Variants in TBC1D14 observed in about 807,000 individuals in gnomAD.
TBC1D14 encodes the protein TBC1 domain family member 14.
In TBC1D14, 26 loss-of-function variants were observed where a neutral mutation model predicts 79.0. The observed-to-expected ratio is 0.33, with a 90% CI of 0.24 to 0.46. TBC1D14 has a LOEUF of 0.46. Among genes scored for constraint, TBC1D14 ranks in the 20% least tolerant of loss-of-function variants. The probability of loss-of-function intolerance (pLI) is 1.00; values close to 1 mark genes in which losing one functional copy is unlikely to be tolerated. For synonymous variants in TBC1D14, 394 were observed against 349.9 expected (o/e 1.13, Z -1.40); for missense variants, 769 against 887.6 (o/e 0.87, Z 1.70).
At chr4:6,909,544 G>C (rs1722789053), upstream of TBC1D14, 1 of 152,014 alleles carries the variant, frequency 6.6e-6, no homozygotes, top group South Asian at 2.1e-4. Flanking sequence ...GGGGCCCTGC[G>C]GGCACAAAGG....
chr4:6,924,254 C>T (rs1724100954), intron 2 of TBC1D14, 143 bp downstream of exon 2: 1 of 1,047,330 alleles, frequency 9.5e-7, no homozygotes, highest in Non-Finnish European at 1.3e-6. Context: ...TTCCCAGAAG[C>T]CCGGAATCCT....
At chr4:6,926,902 G>C (rs938922143) in intron 2 of TBC1D14, among the ~76,000 whole-genome samples, 3 of 152,218 alleles carry the variant, frequency 2.0e-5, no homozygotes, top group African/African-American at 7.2e-5. Context: ...GAGCCATCCT[G>C]TTTCCCCACT....
intron 12 of TBC1D14, among the ~76,000 whole-genome samples, chr4:7,024,411 C>G (rs1722137551): frequency 6.6e-6 from 1 of 152,170 alleles, no homozygotes; most frequent in Admixed American, 6.5e-5. Flanking sequence ...CAGTGTTGGG[C>G]AGGTTTTGAG....
intron 13 of TBC1D14, among the ~76,000 whole-genome samples, chr4:7,029,092 G>A (rs544502757): frequency 1.1e-4 from 17 of 150,094 alleles, no homozygotes; most frequent in African/African-American, 4.2e-4. Context: ...TTCCTCCCTT[G>A]GCCTCCCAAA....
chr4:6,931,235 A>T (rs752145698), intron 2 of TBC1D14, among the ~76,000 whole-genome samples: 3 of 152,162 alleles, frequency 2.0e-5, no homozygotes, highest in Non-Finnish European at 2.9e-5. Flanking sequence ...TGATTCCCCC[A>T]TCCCGAGGGA....
chr4:6,931,845 A>G (rs1488561019), intron 2 of TBC1D14, among the ~76,000 whole-genome samples: 1 of 152,052 alleles, frequency 6.6e-6, no homozygotes, highest in Non-Finnish European at 1.5e-5. Context: ...TTCATTTGTG[A>G]ACAAAACAGA....
chr4:6,987,895 A>G (rs1361150715), intron 3 of TBC1D14, among the ~76,000 whole-genome samples: 1 of 152,208 alleles, frequency 6.6e-6, no homozygotes, highest in East Asian at 1.9e-4. Context: ...GAATATGACT[A>G]TTAGAAAAGG....
chr4:7,005,009 A>G, intron 8 of TBC1D14, 85 bp downstream of exon 8: 4 of 1,233,730 alleles, frequency 3.2e-6, no homozygotes, highest in Non-Finnish European at 4.8e-6. Flanking sequence ...GTTGACGTTA[A>G]CTACAGTAGA....
chr4:6,932,331 C>T (rs549982368), intron 2 of TBC1D14, among the ~76,000 whole-genome samples: 4 of 151,440 alleles, frequency 2.6e-5, no homozygotes, highest in South Asian at 4.2e-4. Context: ...AAGATCGCCG[C>T]CACTGCACGA....
intron 3 of TBC1D14, among the ~76,000 whole-genome samples, chr4:6,983,660 T>A (rs1252228871): frequency 2.6e-5 from 4 of 152,234 alleles, no homozygotes; most frequent in Admixed American, 2.6e-4. Flanking sequence ...GCAGGTTAAT[T>A]ACATATCATA....
At chr4:6,926,290 G>A (rs958536545) in intron 2 of TBC1D14, among the ~76,000 whole-genome samples, 2 of 152,352 alleles carry the variant, frequency 1.3e-5, no homozygotes, top group African/African-American at 2.4e-5. Context: ...AAACTTTTAA[G>A]TATGAGTTGC....
intron 3 of TBC1D14, among the ~76,000 whole-genome samples, chr4:6,980,657 A>G (rs1717286158): frequency 6.6e-6 from 1 of 152,218 alleles, no homozygotes; most frequent in Non-Finnish European, 1.5e-5. Context: ...AAAGGAATGA[A>G]AAAAGGGGAT....
chr4:6,944,450 G>A (rs563256825), intron 2 of TBC1D14, among the ~76,000 whole-genome samples: 22 of 152,244 alleles, frequency 1.4e-4, no homozygotes, highest in East Asian at 3.9e-4. Context: ...CCTTAGGACC[G>A]AGTTCCTGGG....
At chr4:7,021,316 G>A (rs1340415893) in intron 12 of TBC1D14, among the ~76,000 whole-genome samples, 2 of 152,208 alleles carry the variant, frequency 1.3e-5, no homozygotes, top group African/African-American at 4.8e-5. Context: ...TATCATTTTG[G>A]GCTGGGTGTG....
chr4:7,003,109 C>T (rs1009178791), intron 7 of TBC1D14, among the ~76,000 whole-genome samples: 2 of 152,142 alleles, frequency 1.3e-5, no homozygotes, highest in Admixed American at 6.5e-5. Flanking sequence ...AGTTTTAGGG[C>T]CCCAGTCAAT....
intron 2 of TBC1D14, among the ~76,000 whole-genome samples, chr4:6,961,752 T>C (rs1715220071): frequency 6.6e-6 from 1 of 151,896 alleles, no homozygotes; most frequent in African/African-American, 2.4e-5. Context: ...TGTGGAGCTG[T>C]ACCTGCGGGG....
At chr4:6,954,650 G>A (rs1714459451) in intron 2 of TBC1D14, among the ~76,000 whole-genome samples, 2 of 152,216 alleles carry the variant, frequency 1.3e-5, no homozygotes, top group South Asian at 4.1e-4. Flanking sequence ...GCCCAGGCTG[G>A]AGTGCAGTGG....
chr4:6,944,699 G>A (rs1440815961), intron 2 of TBC1D14, among the ~76,000 whole-genome samples: 2 of 152,202 alleles, frequency 1.3e-5, no homozygotes, highest in African/African-American at 4.8e-5. Context: ...AGTCCTCCCC[G>A]GGTCCTCTGG....
intron 2 of TBC1D14, among the ~76,000 whole-genome samples, chr4:6,926,965 T>G (rs1724340741): frequency 6.6e-6 from 1 of 152,176 alleles, no homozygotes; most frequent in African/African-American, 2.4e-5. Flanking sequence ...TGAATCAGTC[T>G]CTGGGTTATG....
Sources: gnomAD v4.1 joint callset for allele counts (sites outside exome capture counted in the v4.1 genomes callset) on GRCh38, gnomAD v4.1.1 for gene constraint, MANE v1.5 for transcripts, NCBI Gene and HGNC (gene_info 2026-07-23, HGNC 2026-07-21) for gene names.